Variants in PLCE1 observed in about 807,000 individuals in gnomAD.
PLCE1 encodes phospholipase C epsilon 1.
PLCE1 carries 119 observed loss-of-function variants against 242.8 expected under a neutral mutation model. That is an observed-to-expected ratio of 0.49 (90% CI 0.42 to 0.57). The LOEUF (loss-of-function observed/expected upper bound fraction) is 0.57, where lower values mean the gene tolerates loss of function less well. Ranked by LOEUF, PLCE1 falls within the 20% of genes least tolerant of loss-of-function variation. The pLI, the probability that PLCE1 is intolerant of heterozygous loss-of-function variation, is 0.00. For synonymous variants in PLCE1, 945 were observed against 1,017.4 expected (o/e 0.93, Z 1.35); for missense variants, 2,441 against 2,788.8 (o/e 0.88, Z 2.81).
intron 1 of PLCE1, among the ~76,000 whole-genome samples, chr10:94,001,264 CTCT>C (rs1320749324): frequency 1.3e-5 from 2 of 152,208 alleles, no homozygotes; most frequent in African/African-American, 4.8e-5. Context: ...TCTTATCTCT[CTCT>C]TCTTAGTAGT....
chr10:94,166,039 G>A (rs1221657950), intron 3 of PLCE1, among the ~76,000 whole-genome samples: 5 of 152,014 alleles, frequency 3.3e-5, no homozygotes, highest in East Asian at 3.9e-4. Flanking sequence ...ACTGTTATAT[G>A]TGCATTACAA....
intron 2 of PLCE1, among the ~76,000 whole-genome samples, chr10:94,084,574 G>A (rs1181798176): frequency 6.6e-6 from 1 of 152,212 alleles, no homozygotes; most frequent in African/African-American, 2.4e-5. Context: ...CAGGGCCCTT[G>A]TAAGTCTGGG....
intron 3 of PLCE1, among the ~76,000 whole-genome samples, chr10:94,157,944 A>G (rs1564740894): frequency 6.6e-6 from 1 of 152,206 alleles, no homozygotes; most frequent in Non-Finnish European, 1.5e-5. Flanking sequence ...GCTAATGGGA[A>G]TAATAACAGC....
chr10:94,313,264 CAGA>C lies in PLCE1; in HGVS notation c.6019_6021del (p.Glu2007del), dbSNP rs1564887427. On this transcript the variant is annotated inframe_deletion, in exon 28 of 33. Transcript: ENST00000371380. ...TGATCTTCTTGACAGATGTTTAATA[CAGA>C]AGAAAGAAAATGTTTGCAGACTCAC... 6.2e-7 allele frequency: 1 copy of C among 1,614,026 alleles called. No individual in the cohort carries two copies. Among genetic ancestry groups the C allele is most frequent in the Non-Finnish European group, 8.5e-7 (1 of 1,179,940 alleles).
chr10:94,003,033 C>G (rs1269589077), intron 1 of PLCE1, among the ~76,000 whole-genome samples: 1 of 152,148 alleles, frequency 6.6e-6, no homozygotes, highest in Non-Finnish European at 1.5e-5. Context: ...GTGTCTTACT[C>G]ATTATTTTCT....
At chr10:94,196,082 A>C (rs2048811467) in intron 4 of PLCE1, among the ~76,000 whole-genome samples, 1 of 152,160 alleles carries the variant, frequency 6.6e-6, no homozygotes, top group African/African-American at 2.4e-5. Context: ...TGAGGATAAT[A>C]ATTCCTTCTA....
chr10:94,252,227 C>T, intron 8 of PLCE1, 89 bp from the exon 9 acceptor site: 1 of 1,205,508 alleles, frequency 8.3e-7, no homozygotes, highest in Non-Finnish European at 1.2e-6. Context: ...TGCTCTTCCA[C>T]CTCTTGGAAT....
At chr10:94,097,704 A>G (rs1048185374) in intron 2 of PLCE1, among the ~76,000 whole-genome samples, 1 of 152,206 alleles carries the variant, frequency 6.6e-6, no homozygotes, top group Admixed American at 6.5e-5. Flanking sequence ...TTGGTGGTCT[A>G]GTATTTTGGA....
In PLCE1 at chr10:94,013,083, A is replaced by C. The variant is rs80114486; in HGVS notation, c.-364-17600A>C. ...ACTCAATTCATACTTGTTTAGCCCA[A>C]CTAACCCAAGGCAGGAAGCATCTTT... On this transcript the variant is annotated intron_variant, in intron 1 of 32. Transcript: ENST00000371380. 6.7e-3 allele frequency among the ~76,000 whole-genome samples: 1,028 copies of C among 152,298 alleles called. 9 individuals are homozygous for C. The highest frequency in any genetic ancestry group is 0.024 in the African/African-American group (990 of 41,558).
chr10:94,199,655 T>C (rs2048932981), intron 4 of PLCE1, among the ~76,000 whole-genome samples: 1 of 152,242 alleles, frequency 6.6e-6, no homozygotes, highest in Admixed American at 6.5e-5. Flanking sequence ...AGATGCATTG[T>C]GGAGTTTGTT....
intron 7 of PLCE1, among the ~76,000 whole-genome samples, chr10:94,242,556 C>T (rs547741115): frequency 6.6e-6 from 1 of 152,276 alleles, no homozygotes; most frequent in African/African-American, 2.4e-5. Context: ...AGAGATTCAC[C>T]TGTCTTGGTC....
chr10:94,132,679 G>A (rs762647579), intron 3 of PLCE1, among the ~76,000 whole-genome samples: 10 of 151,542 alleles, frequency 6.6e-5, no homozygotes, highest in Admixed American at 1.3e-4. Context: ...GGCCGGGTGC[G>A]GTGGCTCACA....
chr10:94,117,234 G>A (rs1167336447), intron 2 of PLCE1, among the ~76,000 whole-genome samples: 1 of 152,182 alleles, frequency 6.6e-6, no homozygotes, highest in Admixed American at 6.5e-5. Context: ...AATAAAAGGT[G>A]ACCCGACTTT....
chr10:94,025,291 C>T (rs1376622232), intron 1 of PLCE1, among the ~76,000 whole-genome samples: 1 of 152,006 alleles, frequency 6.6e-6, no homozygotes, highest in East Asian at 1.9e-4. Context: ...GTAAGGGAGG[C>T]TAATAAAGGA....
chr10:94,203,291 C>G (rs1224355666), intron 4 of PLCE1, among the ~76,000 whole-genome samples: 1 of 152,134 alleles, frequency 6.6e-6, no homozygotes. Context: ...CTTATGAACC[C>G]CTATCAGATC....
chr10:94,256,728 G>T (rs926767833), intron 11 of PLCE1, among the ~76,000 whole-genome samples: 3 of 152,174 alleles, frequency 2.0e-5, no homozygotes, highest in African/African-American at 7.2e-5. Context: ...TTTAAAAAGA[G>T]AAATTAACAT....
intron 2 of PLCE1, among the ~76,000 whole-genome samples, chr10:94,115,921 C>T (rs2046112422): frequency 6.6e-6 from 1 of 152,184 alleles, no homozygotes; most frequent in African/African-American, 2.4e-5. Flanking sequence ...TGCCTTCCAG[C>T]CATCCTTGGT....
chr10:94,182,851 G>A (rs960837692), intron 4 of PLCE1, among the ~76,000 whole-genome samples: 2 of 152,272 alleles, frequency 1.3e-5, no homozygotes, highest in Admixed American at 6.5e-5. Context: ...TTTAAAGCAG[G>A]TATCAGTTAA....
intron 2 of PLCE1, among the ~76,000 whole-genome samples, chr10:94,102,748 T>A (rs2045584821): frequency 6.6e-6 from 1 of 152,162 alleles, no homozygotes; most frequent in Non-Finnish European, 1.5e-5. Context: ...CTCCTCATCC[T>A]GGTGCCACGA....
Sources: allele counts gnomAD v4.1 joint callset (sites outside exome capture counted in the v4.1 genomes callset), GRCh38; gene constraint gnomAD v4.1.1; transcripts MANE v1.5; gene names NCBI Gene and HGNC (gene_info 2026-07-23, HGNC 2026-07-21).